PSG5: variants seen among roughly 807,000 people sequenced by gnomAD.
PSG5 encodes pregnancy specific beta-1-glycoprotein 5.
PSG5 carries 53 observed loss-of-function variants against 37.7 expected under a neutral mutation model. That is an observed-to-expected ratio of 1.41 (90% CI 1.13 to 1.77). PSG5 has a LOEUF of 1.77. Ranked by LOEUF, PSG5 falls within the 40% of genes most tolerant of loss-of-function variation. The pLI, the probability that PSG5 is intolerant of heterozygous loss-of-function variation, is 0.00. For synonymous variants in PSG5, 221 were observed against 155.4 expected (o/e 1.42, Z -3.14); for missense variants, 547 against 405.2 (o/e 1.35, Z -3.00).
intron 4 of PSG5, among the ~76,000 whole-genome samples, chr19:43,171,783 C>T (rs1275260321): frequency 6.6e-6 from 1 of 151,022 alleles, no homozygotes; most frequent in Non-Finnish European, 1.5e-5. Context: ...GCATGGGTAA[C>T]CTGGGGAGAT....
intron 2 of PSG5, chr19:43,178,989 C>T (rs531526217): frequency 6.2e-7 from 1 of 1,612,694 alleles, no homozygotes; most frequent in South Asian, 1.1e-5. Context: ...AAAGAGGGTC[C>T]TGTTGGTTTT....
At chr19:43,185,435 C>G (rs1419598735) in intron 1 of PSG5, among the ~76,000 whole-genome samples, 3 of 148,386 alleles carry the variant, frequency 2.0e-5, no homozygotes, top group South Asian at 2.1e-4. Flanking sequence ...CGGCACCCCC[C>G]CCCCCCCACA....
rs193057797 is a variant in PSG5 at position 43,183,511 on chromosome 19, T to C, written c.430+1271A>G. Reference sequence around the variant, plus strand: ...AAAACAAAGTCCTCTCCTTGATCCTTTCATGACAGTGACATGGGCACTTTG... The same window carrying C: ...AAAACAAAGTCCTCTCCTTGATCCTCTCATGACAGTGACATGGGCACTTTG... On this transcript the variant is annotated intron_variant, in intron 2 of 5. Transcript: ENST00000342951. 126 of 524,920 alleles carry C rather than the reference T, an allele frequency of 2.4e-4. 1 individual carries two copies. The highest frequency in any genetic ancestry group is 1.3e-3 in the African/African-American group (64 of 51,170). The allele number at this position is 524,920 out of a possible 1,614,324, so 32.5% of individuals were successfully genotyped here.
intron 3 of PSG5, 199 bp from the exon 4 acceptor site, chr19:43,175,668 T>C (rs533997547): frequency 2.2e-5 from 30 of 1,388,360 alleles, no homozygotes; most frequent in South Asian, 2.0e-4. Context: ...AAGTCTCCCA[T>C]GACAAGAGCG....
At position 43,170,191 on chromosome 19, in the gene PSG5, G is replaced by A; in HGVS notation, c.965-53C>T. On this transcript the variant is annotated intron_variant, in intron 4 of 5. Transcript: ENST00000342951. ...AATGAAGGTGATGTTATTTTACATGGGGGAGCCTCAGGAAGAGGCATGTAG... is the reference window on the plus strand; with the variant it reads ...AATGAAGGTGATGTTATTTTACATGAGGGAGCCTCAGGAAGAGGCATGTAG... The A allele has an allele frequency of 3.4e-6, 5 of 1,457,240 alleles. 2 individuals are homozygous for A. Among genetic ancestry groups the A allele is most frequent in the Non-Finnish European group, 2.9e-6 (3 of 1,050,778 alleles). The allele number at this position is 1,457,240 out of a possible 1,614,324, so 90.3% of individuals were successfully genotyped here.
At chr19:43,186,208 T>A in intron 1 of PSG5, 134 bp downstream of exon 1, 1 of 1,465,200 alleles carries the variant, frequency 6.8e-7, no homozygotes, top group Non-Finnish European at 9.3e-7. Context: ...GAACTCCTGA[T>A]CTCATAATCC....
In PSG5 at chr19:43,169,925, T is replaced by G. The variant is rs4028467; in HGVS notation, c.*40+130A>C. ...GAGAAAGGGAACTGCAGGAATTAGT[T>G]CTGAGAAGCAGGAGTTTAGTGGAGG... On this transcript the variant is annotated intron_variant, in intron 5 of 5. Coordinates refer to ENST00000342951, the MANE Select transcript of PSG5 (RefSeq NM_002781.4). 81 of 576,140 alleles carry G rather than the reference T, an allele frequency of 1.4e-4. 1 individual carries two copies. Among genetic ancestry groups the G allele is most frequent in the East Asian group, 1.9e-4 (5 of 26,200 alleles). 35.7% of individuals were successfully genotyped at this position (576,140 alleles called of 1,614,324 possible).
intron 4 of PSG5, among the ~76,000 whole-genome samples, chr19:43,173,589 A>C (rs1968946120): frequency 6.6e-6 from 1 of 151,658 alleles, no homozygotes; most frequent in Admixed American, 6.6e-5. Context: ...ATATCCAATA[A>C]GCCCATGCAA....
chr19:43,171,541 T>C, intron 4 of PSG5: 1 of 352,584 alleles, frequency 2.8e-6, no homozygotes, highest in African/African-American at 2.2e-5. Context: ...ATAAATAAAA[T>C]GGAGAATGGA....
intron 4 of PSG5, among the ~76,000 whole-genome samples, chr19:43,171,794 G>T (rs972220203): frequency 4.0e-5 from 6 of 151,226 alleles, no homozygotes; most frequent in Non-Finnish European, 7.4e-5. Flanking sequence ...CTGGGGAGAT[G>T]CTGTCTCTAC....
At chr19:43,183,519 A>C in intron 2 of PSG5, 1 of 522,152 alleles carries the variant, frequency 1.9e-6, no homozygotes, top group South Asian at 1.4e-5. Context: ...CTTTCATGAC[A>C]GTGACATGGG....
At chr19:43,178,991 G>C in intron 2 of PSG5, 1 of 1,612,802 alleles carries the variant, frequency 6.2e-7, no homozygotes, top group Non-Finnish European at 8.5e-7. Context: ...AGAGGGTCCT[G>C]TTGGTTTTGG....
At chr19:43,181,031 A>G (rs1402203341) in intron 2 of PSG5, among the ~76,000 whole-genome samples, 21 of 151,664 alleles carry the variant, frequency 1.4e-4, no homozygotes, top group Non-Finnish European at 2.2e-4. Context: ...CTAAAGTTTA[A>G]GTTTGTGTGA....
At chr19:43,171,983 C>CAAAAAAAAAAA (rs60198220) in intron 4 of PSG5, among the ~76,000 whole-genome samples, 1 of 105,136 alleles carries the variant, frequency 9.5e-6, no homozygotes, top group African/African-American at 3.6e-5. Context: ...TCCCTCTCTT[C>CAAAAAAAAAAA]AAAAAAAAAA....
At chr19:43,181,089 C>A (rs1273130300) in intron 2 of PSG5, among the ~76,000 whole-genome samples, 5 of 151,524 alleles carry the variant, frequency 3.3e-5, no homozygotes, top group Admixed American at 3.3e-4. Context: ...TGTCTCCCCA[C>A]ACGTAGAACT....
At chr19:43,184,737 T>A (rs1470421080) in intron 2 of PSG5, 45 bp downstream of exon 2, 1 of 1,602,860 alleles carries the variant, frequency 6.2e-7, no homozygotes. Context: ...GAAGTAGAAA[T>A]GACCCCTGTC....
At position 43,185,022 on chromosome 19, in the gene PSG5, C is replaced by A; in HGVS notation, c.190G>T (p.Gly64Cys). ...AGTTGTCCTTTGTACCAGATGTAGC[C>A]AGCAAGATTCTGAGGCAAATTGTGG... Reference protein sequence around the residue: ...LVHNLPQNLAGYIWYKGQLMD... With the variant: ...LVHNLPQNLACYIWYKGQLMD... The change falls in exon 2 of 6, where the codon GGC (glycine) becomes TGC (cysteine). Residue 64 changes from glycine (G) to cysteine (C), a missense_variant. Physicochemically the swap from Gly to Cys is radical, Grantham distance 159. Coordinates refer to ENST00000342951, the MANE Select transcript of PSG5 (RefSeq NM_002781.4). 2 of 1,612,594 alleles carry A rather than the reference C, an allele frequency of 1.2e-6. No homozygotes were observed. Among genetic ancestry groups the A allele is most frequent in the Non-Finnish European group, 1.7e-6 (2 of 1,179,200 alleles).
In PSG5 at chr19:43,186,070, G is replaced by A. The variant is rs189863457; in HGVS notation, c.64+272C>T. Among the ~76,000 whole-genome samples, 314 of 150,840 alleles carry A rather than the reference G, an allele frequency of 2.1e-3. 10 individuals carry two copies. Among genetic ancestry groups the A allele is most frequent in the Admixed American group, 0.017 (261 of 15,084 alleles). Reference sequence around the variant, plus strand: ...CGGCTCGCTGCAACTTCTGCCTCCCGGGTTCATGTGATTTTCCTGCCTCAG... The same window carrying A: ...CGGCTCGCTGCAACTTCTGCCTCCCAGGTTCATGTGATTTTCCTGCCTCAG... On this transcript the variant is annotated intron_variant, in intron 1 of 5. Transcript: ENST00000342951.
intron 2 of PSG5, among the ~76,000 whole-genome samples, chr19:43,184,034 T>C (rs1004930033): frequency 6.6e-6 from 1 of 151,770 alleles, no homozygotes; most frequent in Admixed American, 6.6e-5. Context: ...GAAAGCACCT[T>C]TACGTCAGAT....
Sources: gnomAD v4.1 joint callset for allele counts (sites outside exome capture counted in the v4.1 genomes callset) on GRCh38, gnomAD v4.1.1 for gene constraint, MANE v1.5 for transcripts, NCBI Gene and HGNC (gene_info 2026-07-23, HGNC 2026-07-21) for gene names.